LIMCH1: variants seen among roughly 807,000 people sequenced by gnomAD.
LIMCH1 encodes LIM and calponin homology domains-containing protein 1.
LIMCH1 carries 113 observed loss-of-function variants against 176.5 expected under a neutral mutation model. That is an observed-to-expected ratio of 0.64 (90% CI 0.55 to 0.75). LIMCH1 has a LOEUF of 0.75. Ranked by LOEUF, LIMCH1 falls within the 30% of genes least tolerant of loss-of-function variation. The pLI is 0.00. For synonymous variants in LIMCH1, 619 were observed against 645.9 expected (o/e 0.96, Z 0.63); for missense variants, 1,674 against 1,814.9 (o/e 0.92, Z 1.41).
chr4:41,685,621 C>G (rs1323119790), intron 27 of LIMCH1, 89 bp from the exon 28 acceptor site: 2 of 1,495,594 alleles, frequency 1.3e-6, no homozygotes, highest in Non-Finnish European at 1.8e-6. Flanking sequence ...AAAACCTCAA[C>G]AGGCATTAGC....
intron 1 of LIMCH1, among the ~76,000 whole-genome samples, chr4:41,433,794 T>A (rs148820589): frequency 2.0e-5 from 3 of 151,490 alleles, no homozygotes; most frequent in East Asian, 3.9e-4. Context: ...AGCCCTAGAG[T>A]CAGTCCAGAT....
intron 13 of LIMCH1, among the ~76,000 whole-genome samples, chr4:41,636,592 G>A (rs2152893273): frequency 6.6e-6 from 1 of 152,090 alleles, no homozygotes; most frequent in Admixed American, 6.5e-5. Flanking sequence ...AATTTCTAGA[G>A]CACCTGATAA....
chr4:41,658,454 A>G (rs1226963627), intron 18 of LIMCH1, among the ~76,000 whole-genome samples: 2 of 152,220 alleles, frequency 1.3e-5, no homozygotes, highest in African/African-American at 2.4e-5. Context: ...GTTCTCCAGC[A>G]TACATAAGTG....
chr4:41,517,939 A>G (rs945085247), intron 2 of LIMCH1, among the ~76,000 whole-genome samples: 1 of 152,100 alleles, frequency 6.6e-6, no homozygotes, highest in Non-Finnish European at 1.5e-5. Context: ...TAATTTTGTG[A>G]TCATAGTTGC....
intron 1 of LIMCH1, among the ~76,000 whole-genome samples, chr4:41,546,980 C>T (rs1250011152): frequency 6.6e-6 from 1 of 151,990 alleles, no homozygotes; most frequent in African/African-American, 2.4e-5. Flanking sequence ...TTCTTTGCAT[C>T]TTCTTCTTCC....
intron 1 of LIMCH1, among the ~76,000 whole-genome samples, chr4:41,446,137 T>C (rs537355759): frequency 6.6e-6 from 1 of 152,214 alleles, no homozygotes; most frequent in South Asian, 2.1e-4. Flanking sequence ...AGGAGGATGA[T>C]TGTCAACTGC....
chr4:41,470,308 A>T (rs1358595625), intron 1 of LIMCH1, among the ~76,000 whole-genome samples: 2 of 152,164 alleles, frequency 1.3e-5, no homozygotes, highest in African/African-American at 4.8e-5. Flanking sequence ...CTCTGTCTTC[A>T]TTCCTTTGCA....
At chr4:41,622,464 G>A (rs550279746) in intron 7 of LIMCH1, among the ~76,000 whole-genome samples, 36 of 152,230 alleles carry the variant, frequency 2.4e-4, no homozygotes, top group Non-Finnish European at 3.7e-4. Context: ...CTTTAAGCTA[G>A]TGTTTACCAA....
At chr4:41,451,211 G>A (rs2063832285) in intron 1 of LIMCH1, among the ~76,000 whole-genome samples, 1 of 152,076 alleles carries the variant, frequency 6.6e-6, no homozygotes, top group Admixed American at 6.5e-5. Flanking sequence ...CGCCTCCCGG[G>A]TTCAAGCTAT....
chr4:41,407,417 A>G (rs2059077024), intron 1 of LIMCH1, among the ~76,000 whole-genome samples: 1 of 152,118 alleles, frequency 6.6e-6, no homozygotes, highest in Non-Finnish European at 1.5e-5. Flanking sequence ...TTTTGTAGAG[A>G]GGAGGTCTCA....
intron 1 of LIMCH1, among the ~76,000 whole-genome samples, chr4:41,556,837 G>A (rs1184609483): frequency 6.6e-6 from 1 of 152,084 alleles, no homozygotes; most frequent in Non-Finnish European, 1.5e-5. Flanking sequence ...AAGAGACTGG[G>A]TTTCTAAGAG....
intron 1 of LIMCH1, among the ~76,000 whole-genome samples, chr4:41,411,137 A>G (rs1415010794): frequency 6.6e-6 from 1 of 152,258 alleles, no homozygotes; most frequent in African/African-American, 2.4e-5. Context: ...TGTCTCATTT[A>G]CAAATGTTTC....
intron 1 of LIMCH1, among the ~76,000 whole-genome samples, chr4:41,468,825 G>A (rs1301415887): frequency 1.3e-5 from 2 of 152,036 alleles, no homozygotes; most frequent in African/African-American, 2.4e-5. Context: ...GTGGCAGCTC[G>A]GATTTCTAAC....
chr4:41,465,468 C>T (rs1409842460), intron 1 of LIMCH1, among the ~76,000 whole-genome samples: 1 of 152,210 alleles, frequency 6.6e-6, no homozygotes, highest in Non-Finnish European at 1.5e-5. Context: ...CTCCTGCTAC[C>T]TCTTCTCCTC....
At chr4:41,461,891 A>G (rs542464594) in intron 1 of LIMCH1, among the ~76,000 whole-genome samples, 2 of 152,356 alleles carry the variant, frequency 1.3e-5, no homozygotes, top group South Asian at 4.1e-4. Context: ...TGAAATGAGC[A>G]TGTGCATCCC....
Position 41,685,814 on chromosome 4 carries a change from C to T in LIMCH1, c.4072C>T (p.Pro1358Ser). 6.2e-7 allele frequency: 1 copy of T among 1,613,134 alleles called. No homozygotes were observed. Among genetic ancestry groups the T allele is most frequent in the Non-Finnish European group, 8.5e-7 (1 of 1,179,492 alleles). Residue 1358 changes from proline to serine, a missense_variant, in exon 28 of 32, where the codon CCC (proline) becomes TCC (serine). This residue lies in a region of LIMCH1 where 1,015 missense variants were observed against 1,102.5 expected (regional missense o/e 0.92). Coordinates refer to ENST00000503057, the MANE Select transcript of LIMCH1 (RefSeq NM_001330672.2). The part of the protein sequence containing the change: ...DKSINHQIES[P>S]SERRKKSPRE... ...AAGCATTAACCATCAGATCGAGTCT[C>T]CCAGTGAAAGGCGGAAGTGAGTAAC...
At chr4:41,482,062 G>A (rs1304952591) in intron 1 of LIMCH1, among the ~76,000 whole-genome samples, 1 of 152,132 alleles carries the variant, frequency 6.6e-6, no homozygotes, top group Non-Finnish European at 1.5e-5. Context: ...TGTTGGCCAG[G>A]CTGGTCTCCA....
intron 1 of LIMCH1, among the ~76,000 whole-genome samples, chr4:41,401,071 A>T (rs1304800194): frequency 6.6e-6 from 1 of 152,128 alleles, no homozygotes; most frequent in Admixed American, 6.6e-5. Flanking sequence ...TTTTGTTGCC[A>T]TTGCTTTTGG....
intron 3 of LIMCH1, among the ~76,000 whole-genome samples, chr4:41,604,861 C>T (rs1489363701): frequency 6.6e-6 from 1 of 152,066 alleles, no homozygotes; most frequent in Non-Finnish European, 1.5e-5. Flanking sequence ...CACCTCTTAG[C>T]ATCAGTGCAC....
Sources: gnomAD v4.1 joint callset for allele counts (sites outside exome capture counted in the v4.1 genomes callset) on GRCh38, gnomAD v4.1.1 for gene constraint, gnomAD v4.1.1 regional missense constraint, MANE v1.5 for transcripts, NCBI Gene and HGNC (gene_info 2026-07-23, HGNC 2026-07-21) for gene names.